Variants in ENTREP2 observed in about 807,000 individuals in gnomAD.
The protein encoded by ENTREP2 is protein ENTREP2.
chr15:29,140,043 C>T, the ENTREP2 span, among the ~76,000 whole-genome samples: 1 of 152,198 alleles, frequency 6.6e-6, no homozygotes, highest in African/African-American at 2.4e-5. Context: ...CTGCGGGTTT[C>T]CTGCGCCTTC....
At chr15:29,443,668 A>G in the ENTREP2 span, among the ~76,000 whole-genome samples, 353 of 152,176 alleles carry the variant, frequency 2.3e-3, 3 homozygotes, top group African/African-American at 7.8e-3. Context: ...AAGTTACAGT[A>G]GGGTCTGCGG....
At chr15:29,363,411 T>C in the ENTREP2 span, among the ~76,000 whole-genome samples, 3 of 152,198 alleles carry the variant, frequency 2.0e-5, no homozygotes, top group Admixed American at 6.5e-5. Context: ...CCACAGAATA[T>C]GGCAAACAGA....
the ENTREP2 span, among the ~76,000 whole-genome samples, chr15:29,159,888 G>C: frequency 7.2e-5 from 11 of 152,268 alleles, no homozygotes; most frequent in African/African-American, 2.7e-4. Context: ...GATCCCGCAG[G>C]TGGAGCTGCC....
At chr15:29,378,565 T>C in the ENTREP2 span, among the ~76,000 whole-genome samples, 45,943 of 151,656 alleles carry the variant, frequency 0.3, 7,626 homozygotes, top group African/African-American at 0.45. Context: ...GAAGAGAAAA[T>C]GACGGACCTG....
the ENTREP2 span, among the ~76,000 whole-genome samples, chr15:29,250,138 G>A: frequency 6.6e-6 from 1 of 152,160 alleles, no homozygotes; most frequent in African/African-American, 2.4e-5. Flanking sequence ...GGAAAGGGAA[G>A]CAAGGCCGAG....
the ENTREP2 span, among the ~76,000 whole-genome samples, chr15:29,207,681 G>A: frequency 0.01 from 1,593 of 152,180 alleles, 21 homozygotes; most frequent in South Asian, 0.023. Flanking sequence ...ACAATCCCCT[G>A]GTAAGTCAGA....
chr15:29,489,548 T>G, the ENTREP2 span, among the ~76,000 whole-genome samples: 1 of 152,222 alleles, frequency 6.6e-6, no homozygotes, highest in East Asian at 1.9e-4. Flanking sequence ...AAAAACTATT[T>G]TAATTGAATT....
the ENTREP2 span, among the ~76,000 whole-genome samples, chr15:29,257,972 G>A: frequency 6.6e-6 from 1 of 152,038 alleles, no homozygotes; most frequent in Non-Finnish European, 1.5e-5. Context: ...AGCACTTTGG[G>A]AGGCTGAGGC....
the ENTREP2 span, among the ~76,000 whole-genome samples, chr15:29,647,323 C>A: frequency 3.9e-5 from 6 of 152,338 alleles, no homozygotes; most frequent in African/African-American, 1.4e-4. Context: ...ACCAATTATA[C>A]ATTCTCAAAT....
chr15:29,669,897 A>G, the ENTREP2 span, among the ~76,000 whole-genome samples: 1 of 152,224 alleles, frequency 6.6e-6, no homozygotes, highest in African/African-American at 2.4e-5. Context: ...CTGGAGCAGC[A>G]AAGAGCCGAT....
chr15:29,273,371 T>C, the ENTREP2 span, among the ~76,000 whole-genome samples: 5,097 of 152,010 alleles, frequency 0.034, 303 homozygotes, highest in African/African-American at 0.12. Context: ...GCTTTTTTTG[T>C]ATTTTTAATA....
At chr15:29,470,531 G>A in the ENTREP2 span, among the ~76,000 whole-genome samples, 17 of 152,188 alleles carry the variant, frequency 1.1e-4, 1 homozygote, top group Admixed American at 9.8e-4. Context: ...ATCCTTCACC[G>A]CGGCTGCCGC....
At chr15:29,590,071 C>G in the ENTREP2 span, among the ~76,000 whole-genome samples, 1 of 152,126 alleles carries the variant, frequency 6.6e-6, no homozygotes. Flanking sequence ...AAAAAATGAT[C>G]AGAAGATCTT....
chr15:29,593,057 C>G, the ENTREP2 span, among the ~76,000 whole-genome samples: 1 of 152,164 alleles, frequency 6.6e-6, no homozygotes, highest in African/African-American at 2.4e-5. Context: ...ATATTCATTA[C>G]AGCAACACAA....
the ENTREP2 span, among the ~76,000 whole-genome samples, chr15:29,133,254 C>A: frequency 6.6e-6 from 1 of 152,154 alleles, no homozygotes; most frequent in Non-Finnish European, 1.5e-5. Context: ...CATCTTCTCT[C>A]CTCTTTACCA....
the ENTREP2 span, among the ~76,000 whole-genome samples, chr15:29,504,338 A>G: frequency 6.6e-6 from 1 of 152,222 alleles, no homozygotes; most frequent in Non-Finnish European, 1.5e-5. Flanking sequence ...ATCAACCCAC[A>G]TGGAAGTGGA....
the ENTREP2 span, among the ~76,000 whole-genome samples, chr15:29,282,303 T>C: frequency 6.4e-4 from 98 of 152,332 alleles, no homozygotes; most frequent in Admixed American, 1.5e-3. Context: ...TTCTCTCTTG[T>C]CTGCTGCCAT....
At chr15:29,130,523 G>A in the ENTREP2 span, among the ~76,000 whole-genome samples, 141 of 152,186 alleles carry the variant, frequency 9.3e-4, 3 homozygotes, top group East Asian at 0.022. Context: ...TTAGAACTCC[G>A]CTGTCTAAAA....
At chr15:29,235,981 C>CA in the ENTREP2 span, among the ~76,000 whole-genome samples, 284 of 121,738 alleles carry the variant, frequency 2.3e-3, 4 homozygotes, top group Middle Eastern at 8.3e-3. Context: ...CAAAACAAAA[C>CA]AAAAAAAAAC....
Sources: gnomAD v4.1 joint callset for allele counts (sites outside exome capture counted in the v4.1 genomes callset) on GRCh38, gnomAD v4.1.1 for gene constraint, MANE v1.5 for transcripts, NCBI Gene and HGNC (gene_info 2026-07-23, HGNC 2026-07-21) for gene names.